The following BRCA1 variants were observed in gnomAD, a reference collection of about 807,000 sequenced individuals.
BRCA1 encodes breast cancer type 1 susceptibility protein.
Under a neutral mutation model 173.7 loss-of-function variants are expected in BRCA1, and 140 were observed. The ratio of observed to expected loss-of-function variants is 0.81; its 90% CI spans 0.70 to 0.93. BRCA1 has a LOEUF of 0.93. Ranked by LOEUF, BRCA1 falls within the 40% of genes least tolerant of loss-of-function variation. The pLI is 0.00. For synonymous variants in BRCA1, 662 were observed against 756.0 expected, an observed-to-expected ratio of 0.88 and a Z score of 2.04; for missense variants, 1,983 against 2,172.5, an observed-to-expected ratio of 0.91 and a Z score of 1.73.
At chr17:43,121,443 C>T (rs530237481) in intron 2 of BRCA1, among the ~76,000 whole-genome samples, 1 of 151,774 alleles carries the variant, frequency 6.6e-6, no homozygotes, top group Non-Finnish European at 1.5e-5. Context: ...CCAGCACTTT[C>T]GGAGGCCAAG....
At position 43,092,868 on chromosome 17, in the gene BRCA1, T is replaced by G. The variant is rs876658843; in HGVS notation, c.2663A>C (p.His888Pro). 1 of 1,614,030 alleles carries G rather than the reference T, an allele frequency of 6.2e-7. No homozygotes were observed. Among genetic ancestry groups the G allele is most frequent in the South Asian group, 1.1e-5 (1 of 91,084 alleles). The part of the protein sequence containing the change: ...AEEECATFSA[H>P]SGSLKKQSPK... ...ACTTTGTTTCTTTAAGGACCCAGAG[T>G]GGGCAGAGAATGTTGCACATTCCTC... The change falls in exon 10 of 23, where the codon CAC (histidine) becomes CCC (proline). Residue 888 changes from histidine (H) to proline (P), a missense_variant. Transcript: ENST00000357654.
Position 43,045,810 on chromosome 17 carries a change from CAGAG to C in BRCA1, c.5468-12_5468-9del. The C allele has an allele frequency of 6.2e-7, 1 of 1,613,928 alleles. No individual in the cohort carries two copies. The highest frequency in any genetic ancestry group is 8.5e-7 in the Non-Finnish European group (1 of 1,179,932). The stretch of plus-strand genomic sequence containing the variant: ...CACACATCTGCCCAATTGCTGGAGA[CAGAG>C]AACACAAGCAGAGATTAGTGTCAAT... On this transcript the variant is annotated splice_polypyrimidine_tract_variant and intron_variant, in intron 22 of 22. Coordinates refer to ENST00000357654, the MANE Select transcript of BRCA1 (RefSeq NM_007294.4).
At chr17:43,134,854 A>C (rs1427906381) in intron 1 of BRCA1, among the ~76,000 whole-genome samples, 2 of 152,296 alleles carry the variant, frequency 1.3e-5, no homozygotes, top group Admixed American at 1.3e-4. Flanking sequence ...ACCTTTGCAG[A>C]GATAAAAGGG....
intron 16 of BRCA1, among the ~76,000 whole-genome samples, chr17:43,065,044 A>T (rs546648076): frequency 6.6e-6 from 1 of 151,866 alleles, no homozygotes; most frequent in Non-Finnish European, 1.5e-5. Context: ...GTTAGCCAGG[A>T]TGGTCTCGAT....
rs531925575 is a variant in BRCA1, at chr17:43,079,575, T to C, written c.4357+2829A>G. On this transcript the variant is annotated intron_variant, in intron 12 of 22. Transcript: ENST00000357654. ...CTTGCCAAGAGAATTAATGTGCGTA[T>C]TGAGCACATTAAACACTCTAAGAGC... is the stretch of plus-strand genomic sequence containing the variant. 8.1e-6 allele frequency: 7 copies of C among 863,898 alleles called. No homozygotes were observed. In the African/African-American group the frequency reaches 8.3e-5, roughly 10 times the overall value. 53.5% of individuals were successfully genotyped at this position (863,898 alleles called of 1,614,324 possible). A position where few individuals can be genotyped will look rare whatever the true frequency, so the allele number is the denominator to read the frequency against.
intron 7 of BRCA1, among the ~76,000 whole-genome samples, chr17:43,098,030 C>CTTT (rs35771473): frequency 1.5e-5 from 2 of 135,266 alleles, no homozygotes; most frequent in Non-Finnish European, 1.6e-5. Flanking sequence ...CTCAGCAGCT[C>CTTT]TTTTTTTTTT....
chr17:43,076,200 T>C (rs1443099424), intron 13 of BRCA1, among the ~76,000 whole-genome samples: 1 of 152,066 alleles, frequency 6.6e-6, no homozygotes, highest in African/African-American at 2.4e-5. Context: ...CTTGAAGAAG[T>C]CTACCATCAG....
chr17:43,108,693 G>A (rs1483091837), intron 3 of BRCA1, among the ~76,000 whole-genome samples: 1 of 112,028 alleles, frequency 8.9e-6, no homozygotes. Context: ...GGCAACAGAG[G>A]AAGACTCTGT....
chr17:43,097,188 A>G, intron 8 of BRCA1, 56 bp downstream of exon 8: 1 of 1,500,826 alleles, frequency 6.7e-7, no homozygotes, highest in South Asian at 1.2e-5. Context: ...TCAATCCTTA[A>G]TATTAACTAA....
At chr17:43,130,790 T>C (rs1479394136) in intron 1 of BRCA1, among the ~76,000 whole-genome samples, 1 of 152,250 alleles carries the variant, frequency 6.6e-6, no homozygotes, top group Non-Finnish European at 1.5e-5. Context: ...TTATGTCTAG[T>C]AATGGGCCAG....
intron 1 of BRCA1, among the ~76,000 whole-genome samples, chr17:43,157,445 A>G (rs955644047): frequency 2.6e-5 from 4 of 152,266 alleles, no homozygotes; most frequent in African/African-American, 9.6e-5. Context: ...CACGCCTGTA[A>G]TCCCAGCACT....
intron 2 of BRCA1, among the ~76,000 whole-genome samples, chr17:43,118,754 T>C (rs1430930146): frequency 2.0e-5 from 3 of 148,750 alleles, no homozygotes; most frequent in Non-Finnish European, 3.0e-5. Flanking sequence ...TTCTTCTGAA[T>C]GTGAACCTTT....
chr17:43,137,884 A>T (rs888204005), intron 1 of BRCA1, among the ~76,000 whole-genome samples: 1 of 151,856 alleles, frequency 6.6e-6, no homozygotes, highest in Non-Finnish European at 1.5e-5. Context: ...CCAAAACAAA[A>T]CAAAACAAAA....
Position 43,045,409 on chromosome 17 carries a change from G to C in BRCA1, c.*269C>G, listed in dbSNP as rs1353547233. ...AATGAATCAGCATCTTGCTCAATTG[G>C]TGGCGTTTAAATGGTTTTAAAATCT... On this transcript the variant is annotated 3_prime_UTR_variant, in exon 23 of 23. Transcript: ENST00000357654. 6.1e-6 allele frequency: 4 copies of C among 659,232 alleles called. No homozygotes were observed. Among genetic ancestry groups the C allele is most frequent in the South Asian group, 4.5e-5 (3 of 66,338 alleles). 40.8% of individuals were successfully genotyped at this position (659,232 alleles called of 1,614,324 possible).
rs2070833 is a variant in BRCA1, at chr17:43,090,832, G to T, written c.4185+112C>A. The T allele has an allele frequency of 0.023, 23,409 of 1,003,540 alleles. 2,432 individuals carry two copies. In the East Asian group the frequency reaches 0.28, roughly 12 times the overall value. The allele number at this position is 1,003,540 out of a possible 1,614,324, so 62.2% of individuals were successfully genotyped here. Reference sequence around the variant, plus strand: ...AGGAGACAATGAACCACAAACAATTGTGCCATTAATTCAAAGAGATGATGT... The same window carrying T: ...AGGAGACAATGAACCACAAACAATTTTGCCATTAATTCAAAGAGATGATGT... On this transcript the variant is annotated intron_variant, in intron 11 of 22. Coordinates refer to ENST00000357654, the MANE Select transcript of BRCA1 (RefSeq NM_007294.4).
At chr17:43,110,340 A>C (rs111615606) in intron 3 of BRCA1, 1 of 209,342 alleles carries the variant, frequency 4.8e-6, no homozygotes, top group African/African-American at 2.3e-5. Context: ...TAATCCTAGC[A>C]CTTTGGGATG....
rs80358073 is a variant in BRCA1, at chr17:43,049,116, C to A, written c.5406+5G>T. On this transcript the variant is annotated splice_donor_5th_base_variant and intron_variant, in intron 21 of 22. Coordinates refer to ENST00000357654, the MANE Select transcript of BRCA1 (RefSeq NM_007294.4). ...TCCCTCTCTGACAGGGCACCCAATA[C>A]TTACTGTGCCAAGGGTGAATGATGA... 1 of 1,613,364 alleles carries A rather than the reference C, an allele frequency of 6.2e-7. No individual in the cohort carries two copies. The highest frequency in any genetic ancestry group is 1.3e-5 in the African/African-American group (1 of 74,904).
chr17:43,121,272 G>A (rs2055555370), intron 2 of BRCA1, among the ~76,000 whole-genome samples: 1 of 151,988 alleles, frequency 6.6e-6, no homozygotes, highest in African/African-American at 2.4e-5. Context: ...CTACTCGGGA[G>A]GCTGAGGCAG....
At position 43,093,666 on chromosome 17, in the gene BRCA1, G is replaced by A. The variant is rs56039126; in HGVS notation, c.1865C>T (p.Ala622Val). ...RRKSSTRHIHALELVVSRNLS... is the reference protein window; with the variant it reads ...RRKSSTRHIHVLELVVSRNLS... ...ATTTCTACTGACTACTAGTTCAAGCGCATGAATATGCCTGGTAGAAGACTT... is the reference window on the plus strand; with the variant it reads ...ATTTCTACTGACTACTAGTTCAAGCACATGAATATGCCTGGTAGAAGACTT... Residue 622 changes from alanine to valine, a missense_variant, in exon 10 of 23, where the codon GCG becomes GTG. Ala to Val is a moderately conservative substitution (Grantham distance 64). Coordinates refer to ENST00000357654, the MANE Select transcript of BRCA1 (RefSeq NM_007294.4). 132 of 1,613,884 alleles carry A rather than the reference G, an allele frequency of 8.2e-5. No individual in the cohort carries two copies. Among genetic ancestry groups the A allele is most frequent in the Middle Eastern group, 1.6e-4 (1 of 6,084 alleles).
Sources: gnomAD v4.1 joint callset for allele counts (sites outside exome capture counted in the v4.1 genomes callset) on GRCh38, gnomAD v4.1.1 for gene constraint, MANE v1.5 for transcripts, NCBI Gene and HGNC (gene_info 2026-07-23, HGNC 2026-07-21) for gene names.